BEND2: variants seen among roughly 807,000 people sequenced by gnomAD.
BEND2 encodes BEN domain containing 2.
A neutral mutation model predicts 43.8 loss-of-function variants in BEND2; 19 were observed. The ratio of observed to expected loss-of-function variants is 0.43; its 90% CI spans 0.30 to 0.64. The LOEUF is 0.64. Among genes scored for constraint, BEND2 ranks in the 30% least tolerant of loss-of-function variants. The probability of loss-of-function intolerance (pLI) is 0.11; values close to 1 mark genes in which losing one functional copy is unlikely to be tolerated. For missense variants in BEND2, 544 were observed against 574.0 expected (o/e 0.95, Z 0.53); for synonymous variants, 226 against 210.1 (o/e 1.08, Z -0.66).
chrX:18,198,235 C>T (rs1442993461), intron 6 of BEND2, among the ~76,000 whole-genome samples: 1 of 110,244 alleles, frequency 9.1e-6, no homozygotes, highest in Non-Finnish European at 1.9e-5. Context: ...TTCTGCACAG[C>T]AAAAGAAACT....
Position 18,164,850 on chromosome X carries a change from T to A in BEND2, c.*159A>T, listed in dbSNP as rs188675077. 47 of 498,883 alleles carry A rather than the reference T, an allele frequency of 9.4e-5. No homozygotes were observed. The East Asian group carries it at 1.6e-3, about 17-fold the overall frequency. 41.1% of individuals were successfully genotyped at this position (498,883 alleles called of 1,213,427 possible). A position where few individuals can be genotyped will look rare whatever the true frequency, so the allele number is the denominator to read the frequency against. On this transcript the variant is annotated 3_prime_UTR_variant, in exon 14 of 14. Transcript: ENST00000380033. ...ATTACGTATCTTCCTAATGTGATTCTACCTCCTTTATGAGCAGAAAAAGAG... is the reference window on the plus strand; with the variant it reads ...ATTACGTATCTTCCTAATGTGATTCAACCTCCTTTATGAGCAGAAAAAGAG...
chrX:18,206,531 A>C (rs936875357), intron 4 of BEND2, among the ~76,000 whole-genome samples: 7 of 110,635 alleles, frequency 6.3e-5, no homozygotes, highest in African/African-American at 2.3e-4. Flanking sequence ...GAACACGTAG[A>C]GGGGAAGGAG....
At chrX:18,209,515 AT>A (rs1433257876) in intron 4 of BEND2, among the ~76,000 whole-genome samples, 4 of 112,249 alleles carry the variant, frequency 3.6e-5, no homozygotes, top group South Asian at 7.4e-4. Context: ...AATAAAAAAA[AT>A]ATCAACACCA....
intron 4 of BEND2, among the ~76,000 whole-genome samples, chrX:18,209,752 A>C (rs1925450314): frequency 9.0e-6 from 1 of 111,484 alleles, no homozygotes; most frequent in Non-Finnish European, 1.9e-5. Flanking sequence ...GACACAACTA[A>C]ATTCAATGTG....
At chrX:18,190,850 T>A (rs1924747056) in intron 8 of BEND2, 151 bp downstream of exon 8, 3 of 434,178 alleles carry the variant, frequency 6.9e-6, no homozygotes, top group Non-Finnish European at 7.8e-6. Context: ...GGTGATTGCA[T>A]CAATGTCAAA....
At chrX:18,171,276 C>G in intron 12 of BEND2, 72 bp from the exon 13 acceptor site, 1 of 1,053,687 alleles carries the variant, frequency 9.5e-7, no homozygotes. Context: ...AAAGCTGAAA[C>G]AGAAACGTTG....
chrX:18,171,224 A>T lies in BEND2; in HGVS notation c.1982-20T>A. On this transcript the variant is annotated intron_variant, in intron 12 of 13. Coordinates refer to ENST00000380033, the MANE Select transcript of BEND2 (RefSeq NM_153346.5). Reference sequence around the variant, plus strand: ...AATAGCCTAGAAGCAAAAAAGAAAGATGTCAATTTTCATAGCAAATGTTAG... The same window carrying T: ...AATAGCCTAGAAGCAAAAAAGAAAGTTGTCAATTTTCATAGCAAATGTTAG... 8.5e-7 allele frequency: 1 copy of T among 1,180,323 alleles called. No individual in the cohort carries two copies.
chrX:18,199,055 G>A (rs1279501841), intron 6 of BEND2, among the ~76,000 whole-genome samples: 1 of 71,784 alleles, frequency 1.4e-5, no homozygotes, highest in African/African-American at 5.3e-5. Flanking sequence ...ACTGTTGTGG[G>A]GTGGGGGGAG....
intron 13 of BEND2, among the ~76,000 whole-genome samples, chrX:18,170,781 G>A (rs1923947782): frequency 8.9e-6 from 1 of 111,967 alleles, no homozygotes; most frequent in Non-Finnish European, 1.9e-5. Flanking sequence ...TCCTGTTCTA[G>A]TAAAGCCATT....
intron 8 of BEND2, among the ~76,000 whole-genome samples, chrX:18,188,321 G>A (rs754852626): frequency 9.0e-6 from 1 of 110,966 alleles, no homozygotes; most frequent in Non-Finnish European, 1.9e-5. Flanking sequence ...CAGTGATGAC[G>A]AGCATTTTTT....
chrX:18,177,078 GTATCCTTAGTAT>G (rs1476610620), intron 10 of BEND2, among the ~76,000 whole-genome samples: 1 of 110,174 alleles, frequency 9.1e-6, no homozygotes, highest in African/African-American at 3.3e-5. Flanking sequence ...ATTCATTGTG[GTATCCTTAGTAT>G]CCATGAGTTC....
At chrX:18,173,605 G>A (rs1368235964) in intron 12 of BEND2, among the ~76,000 whole-genome samples, 1 of 111,594 alleles carries the variant, frequency 9.0e-6, no homozygotes, top group Admixed American at 9.5e-5. Context: ...CAAAGCAGGA[G>A]GTGCCTTCAG....
chrX:18,217,066 C>T (rs1456470977), intron 1 of BEND2, among the ~76,000 whole-genome samples: 1 of 112,643 alleles, frequency 8.9e-6, no homozygotes, highest in Non-Finnish European at 1.9e-5. Flanking sequence ...TTAACTTAAA[C>T]GATGCAACTG....
At chrX:18,211,061 T>A (rs1925486912) in intron 4 of BEND2, among the ~76,000 whole-genome samples, 1 of 111,549 alleles carries the variant, frequency 9.0e-6, no homozygotes, top group Non-Finnish European at 1.9e-5. Flanking sequence ...TGCTTTCAGA[T>A]AATTATGTAC....
chrX:18,182,972 G>A (rs776888888), intron 8 of BEND2, among the ~76,000 whole-genome samples: 1 of 103,396 alleles, frequency 9.7e-6, no homozygotes, highest in Admixed American at 1.1e-4. Context: ...AACCCAGAAG[G>A]CAGGGGTTGC....
chrX:18,195,463 T>A, intron 6 of BEND2, 21 bp from the exon 7 acceptor site: 1 of 1,168,733 alleles, frequency 8.6e-7, no homozygotes, highest in Non-Finnish European at 1.2e-6. Context: ...AAAAAAAGAA[T>A]GCTCAATCAT....
At chrX:18,165,906 T>G (rs1410663365) in intron 13 of BEND2, among the ~76,000 whole-genome samples, 1 of 111,960 alleles carries the variant, frequency 8.9e-6, no homozygotes, top group Non-Finnish European at 1.9e-5. Flanking sequence ...GATCTGGTGA[T>G]CCCTACAGGT....
At chrX:18,176,676 G>A (rs904927189) in intron 10 of BEND2, among the ~76,000 whole-genome samples, 3 of 109,827 alleles carry the variant, frequency 2.7e-5, no homozygotes, top group Non-Finnish European at 5.7e-5. Flanking sequence ...AAGACCATGC[G>A]TCTGAAAAAA....
chrX:18,171,553 A>G lies in BEND2; in HGVS notation c.1982-349T>C, dbSNP rs190969251. ...GAGACAGGGTCTCACTTTGTTCCCC[A>G]GGCTGGTCTCAAACTTCCAGGTTTA... On this transcript the variant is annotated intron_variant, in intron 12 of 13. Transcript: ENST00000380033. 6.3e-5 allele frequency among the ~76,000 whole-genome samples: 7 copies of G among 111,145 alleles called. 1 individual carries two copies. The East Asian group carries it at 1.7e-3, about 27-fold the overall frequency.
Sources: allele counts gnomAD v4.1 joint callset (sites outside exome capture counted in the v4.1 genomes callset), GRCh38; gene constraint gnomAD v4.1.1; transcripts MANE v1.5; gene names NCBI Gene and HGNC (gene_info 2026-07-23, HGNC 2026-07-21).